The following SPARCL1 variants were observed in gnomAD, a reference collection of about 807,000 sequenced individuals.
SPARCL1 encodes the protein SPARC-like protein 1.
In SPARCL1, 52 loss-of-function variants were observed where a neutral mutation model predicts 67.1. The ratio of observed to expected loss-of-function variants is 0.78; its 90% confidence interval spans 0.62 to 0.98. The LOEUF is 0.98. Among genes scored for constraint, SPARCL1 ranks in the 50% least tolerant of loss-of-function variants. The pLI, the probability that SPARCL1 is intolerant of heterozygous loss-of-function variation, is 0.00. For synonymous variants in SPARCL1, 226 were observed against 267.8 expected, an observed-to-expected ratio of 0.84 and a Z score of 1.52; for missense variants, 717 against 782.4, an observed-to-expected ratio of 0.92 and a Z score of 1.00.
intron 8 of SPARCL1, among the ~76,000 whole-genome samples, chr4:87,481,004 C>T (rs1723800000): frequency 6.6e-6 from 1 of 152,028 alleles, no homozygotes; most frequent in Admixed American, 6.6e-5. Flanking sequence ...TTGGCCAGCC[C>T]CATTGAAATT....
intron 1 of SPARCL1, among the ~76,000 whole-genome samples, chr4:87,502,431 C>T (rs943195126): frequency 6.6e-6 from 1 of 152,174 alleles, no homozygotes; most frequent in Non-Finnish European, 1.5e-5. Context: ...CTTCTCCTCA[C>T]CCTTCCCAGC....
At chr4:87,526,524 C>A (rs1390917658) in intron 1 of SPARCL1, among the ~76,000 whole-genome samples, 1 of 152,162 alleles carries the variant, frequency 6.6e-6, no homozygotes, top group Non-Finnish European at 1.5e-5. Flanking sequence ...GTATTATTAT[C>A]CCCATTTTGC....
chr4:87,482,375 T>C (rs1383078012), intron 8 of SPARCL1, 49 bp downstream of exon 8: 2 of 1,598,920 alleles, frequency 1.3e-6, no homozygotes, highest in Admixed American at 3.4e-5. Flanking sequence ...TCTTTCTTCC[T>C]CATGCCCTGT....
chr4:87,494,116 A>C lies in SPARCL1; in HGVS notation c.684T>G (p.His228Gln), dbSNP rs371166454. ...QERKTELPRE[H>Q]ANSKQEEDNT... is the part of the protein sequence containing the mutation. ...TGTCTTCCTCCTGCTTGCTGTTAGC[A>C]TGCTCCCTGGGCAATTCTGTCTTTC... The change falls in exon 4 of 11, where the codon CAT becomes CAG. Residue 228 changes from histidine (H) to glutamine (Q), a missense_variant. His to Gln is a conservative substitution (Grantham distance 24, BLOSUM62 0). Transcript: ENST00000282470. 11 of 1,613,656 alleles carry C rather than the reference A, an allele frequency of 6.8e-6. No homozygotes were observed. The South Asian group carries it at 8.8e-5, about 13-fold the overall frequency.
At chr4:87,502,669 C>CT (rs112705617) in intron 1 of SPARCL1, among the ~76,000 whole-genome samples, 66,940 of 151,946 alleles carry the variant, frequency 0.44, 15,497 homozygotes, top group East Asian at 0.75. Flanking sequence ...CTTCTTGTTC[C>CT]TTTTTTCCCC....
intron 7 of SPARCL1, among the ~76,000 whole-genome samples, chr4:87,483,129 C>T (rs1177604782): frequency 6.8e-6 from 1 of 147,290 alleles, no homozygotes; most frequent in East Asian, 2.2e-4. Flanking sequence ...GATACATGTG[C>T]AGAATGTGCA....
intron 7 of SPARCL1, among the ~76,000 whole-genome samples, chr4:87,486,696 A>C (rs1724072387): frequency 6.6e-6 from 1 of 151,886 alleles, no homozygotes; most frequent in South Asian, 2.1e-4. Context: ...TGGGAGTCTA[A>C]GTCTCTTTGT....
At position 87,493,606 on chromosome 4, in the gene SPARCL1, G is replaced by C; in HGVS notation, c.1194C>G (p.Thr398=). 1 of 1,611,980 alleles carries C rather than the reference G, an allele frequency of 6.2e-7. No homozygotes were observed. The highest frequency in any genetic ancestry group is 1.1e-5 in the South Asian group (1 of 90,932). Residue 398 remains threonine (T), a synonymous_variant, in exon 4 of 11, where the codon ACC becomes ACG. Transcript: ENST00000282470. The part of the protein sequence containing the change: ...EKVHENENIG[T]TEPGEHQEAK... ...CCTCTTGGTGCTCTCCAGGCTCAGT[G>C]GTACCTATATTTTCATTTTCATGTA...
chr4:87,482,676 A>G (rs1723882065), intron 7 of SPARCL1, 116 bp from the exon 8 acceptor site: 1 of 1,092,462 alleles, frequency 9.2e-7, no homozygotes, highest in Non-Finnish European at 1.3e-6. Context: ...TCAGGTCCCC[A>G]TTATTATGAC....
chr4:87,497,011 G>C (rs1724645405), intron 2 of SPARCL1: 1 of 154,662 alleles, frequency 6.5e-6, no homozygotes, highest in Non-Finnish European at 1.4e-5. Flanking sequence ...AGCTGGGATT[G>C]CAGGTGCCTG....
chr4:87,502,062 C>A (rs913633339), intron 1 of SPARCL1, among the ~76,000 whole-genome samples: 8 of 151,828 alleles, frequency 5.3e-5, no homozygotes, highest in African/African-American at 1.9e-4. Flanking sequence ...CCTCAGCCCC[C>A]TAAAGTGCTA....
intron 4 of SPARCL1, among the ~76,000 whole-genome samples, chr4:87,492,404 T>C (rs1017388274): frequency 1.4e-4 from 19 of 136,600 alleles, no homozygotes; most frequent in African/African-American, 5.3e-4. Flanking sequence ...GGTGAAGGAG[T>C]GAGACTCCGT....
At chr4:87,475,275 A>G (rs777718442) in intron 10 of SPARCL1, among the ~76,000 whole-genome samples, 4 of 152,016 alleles carry the variant, frequency 2.6e-5, no homozygotes, top group Non-Finnish European at 5.9e-5. Context: ...TACCCAGGAT[A>G]TCCTTATTTC....
chr4:87,528,027 C>G (rs893017317), intron 1 of SPARCL1: 2 of 152,016 alleles, frequency 1.3e-5, no homozygotes, highest in Non-Finnish European at 2.9e-5. Context: ...TGTGCTTAGG[C>G]CCTGGGCCAG....
chr4:87,477,103 C>T (rs755731228), intron 10 of SPARCL1, among the ~76,000 whole-genome samples: 1 of 152,178 alleles, frequency 6.6e-6, no homozygotes, highest in African/African-American at 2.4e-5. Context: ...GGATTTTAAG[C>T]CCTTCCTGCT....
intron 4 of SPARCL1, among the ~76,000 whole-genome samples, chr4:87,492,827 AAT>A (rs1724409583): frequency 6.6e-6 from 1 of 152,232 alleles, no homozygotes; most frequent in Non-Finnish European, 1.5e-5. Flanking sequence ...GAAAGCTCCA[AAT>A]ATGCTTCCTC....
At chr4:87,518,917 A>G (rs1403734285) in intron 1 of SPARCL1, among the ~76,000 whole-genome samples, 3 of 152,196 alleles carry the variant, frequency 2.0e-5, no homozygotes, top group Non-Finnish European at 4.4e-5. Context: ...CACTGAACTA[A>G]TGGCTTGAAA....
At chr4:87,491,328 A>G (rs1258126696) in intron 5 of SPARCL1, among the ~76,000 whole-genome samples, 2 of 152,246 alleles carry the variant, frequency 1.3e-5, no homozygotes, top group Non-Finnish European at 2.9e-5. Flanking sequence ...ATTTGAGAAT[A>G]AATAAGATAG....
At chr4:87,478,970 G>T (rs1373395957) in intron 10 of SPARCL1, among the ~76,000 whole-genome samples, 2 of 152,178 alleles carry the variant, frequency 1.3e-5, no homozygotes, top group African/African-American at 4.8e-5. Context: ...CACTAATTGT[G>T]ATGTAAAATC....
Sources: allele counts gnomAD v4.1 joint callset (sites outside exome capture counted in the v4.1 genomes callset), GRCh38; gene constraint gnomAD v4.1.1; transcripts MANE v1.5; gene names NCBI Gene and HGNC (gene_info 2026-07-23, HGNC 2026-07-21).